PHLPP1: variants seen among roughly 807,000 people sequenced by gnomAD.
PHLPP1 encodes the protein PH domain and leucine rich repeat protein phosphatase 1, also known as PH domain leucine-rich repeat-containing protein phosphatase 1.
PHLPP1 carries 42 observed loss-of-function variants against 117.2 expected under a neutral mutation model. That is an observed-to-expected ratio of 0.36 (90% CI 0.28 to 0.46). PHLPP1 has a LOEUF of 0.46. Among genes scored for constraint, PHLPP1 ranks in the 20% least tolerant of loss-of-function variants. The pLI, the probability that PHLPP1 is intolerant of heterozygous loss-of-function variation, is 1.00. For missense variants in PHLPP1, 2,084 were observed against 2,241.9 expected, an observed-to-expected ratio of 0.93 and a Z score of 1.42; for synonymous variants, 1,042 against 970.7, an observed-to-expected ratio of 1.07 and a Z score of -1.37.
intron 14 of PHLPP1, among the ~76,000 whole-genome samples, chr18:62,967,848 G>C (rs1220150322): frequency 6.7e-6 from 1 of 149,272 alleles, no homozygotes; most frequent in Non-Finnish European, 1.5e-5. Flanking sequence ...TTTTTAGACA[G>C]CGTTTCACTC....
chr18:62,972,407 T>C (rs1911076537), intron 14 of PHLPP1, 107 bp from the exon 15 acceptor site: 2 of 991,108 alleles, frequency 2.0e-6, no homozygotes, highest in Non-Finnish European at 1.5e-6. Context: ...TCTGGAGTCA[T>C]GAAGAAAGAG....
intron 12 of PHLPP1, among the ~76,000 whole-genome samples, chr18:62,957,619 CTGTTT>C (rs376695220): frequency 8.6e-5 from 13 of 151,090 alleles, no homozygotes. Flanking sequence ...TGTTTGTTTT[CTGTTT>C]TGTTTTGTTT....
intron 14 of PHLPP1, among the ~76,000 whole-genome samples, chr18:62,969,395 A>T (rs1242021582): frequency 6.6e-6 from 1 of 152,096 alleles, no homozygotes; most frequent in South Asian, 2.1e-4. Context: ...GCTTTGTATG[A>T]CTTGAATCCT....
intron 1 of PHLPP1, among the ~76,000 whole-genome samples, chr18:62,783,885 A>G (rs1245597297): frequency 6.6e-6 from 1 of 152,158 alleles, no homozygotes; most frequent in Non-Finnish European, 1.5e-5. Context: ...ACTTCTCACA[A>G]TTTTGGTCTG....
chr18:62,934,545 A>C (rs952712415), intron 10 of PHLPP1, among the ~76,000 whole-genome samples: 1 of 152,218 alleles, frequency 6.6e-6, no homozygotes, highest in Non-Finnish European at 1.5e-5. Flanking sequence ...AAAGCCGGAA[A>C]CAAGAGACAC....
At chr18:62,887,643 C>A (rs1332761890) in intron 4 of PHLPP1, among the ~76,000 whole-genome samples, 1 of 152,214 alleles carries the variant, frequency 6.6e-6, no homozygotes. Flanking sequence ...TAAGGACAAA[C>A]CCTCATGACC....
intron 4 of PHLPP1, among the ~76,000 whole-genome samples, chr18:62,864,699 G>T (rs1399388738): frequency 6.6e-6 from 1 of 152,174 alleles, no homozygotes; most frequent in African/African-American, 2.4e-5. Context: ...CAGTTGTTGT[G>T]GAACCAAGCT....
intron 1 of PHLPP1, among the ~76,000 whole-genome samples, chr18:62,806,947 A>G (rs570026937): frequency 1.3e-5 from 2 of 152,316 alleles, no homozygotes; most frequent in South Asian, 2.1e-4. Flanking sequence ...TGCATCAGGA[A>G]TTAGTTTAAA....
At chr18:62,811,060 A>T (rs1393611030) in intron 1 of PHLPP1, among the ~76,000 whole-genome samples, 2 of 152,236 alleles carry the variant, frequency 1.3e-5, no homozygotes, top group African/African-American at 2.4e-5. Flanking sequence ...GACAGAGGCA[A>T]GGATTGGAAA....
At chr18:62,916,605 G>GTGT (rs1909283535) in intron 9 of PHLPP1, among the ~76,000 whole-genome samples, 399 of 145,844 alleles carry the variant, frequency 2.7e-3, no homozygotes, top group African/African-American at 9.5e-3. Context: ...CAAGAGGGTG[G>GTGT]GTGTGTGTGT....
chr18:62,825,401 A>G (rs972186104), intron 1 of PHLPP1: 3 of 147,480 alleles, frequency 2.0e-5, no homozygotes, highest in Admixed American at 1.4e-4. Flanking sequence ...ATATAAATAT[A>G]TATTATATTT....
At chr18:62,730,337 A>G (rs1362428840) in intron 1 of PHLPP1, among the ~76,000 whole-genome samples, 1 of 152,148 alleles carries the variant, frequency 6.6e-6, no homozygotes, top group Non-Finnish European at 1.5e-5. Flanking sequence ...TGACGACAGT[A>G]CTAGTTCTTA....
chr18:62,912,782 G>C (rs55812757), intron 8 of PHLPP1, among the ~76,000 whole-genome samples: 127 of 152,150 alleles, frequency 8.3e-4, no homozygotes, highest in Non-Finnish European at 1.6e-3. Context: ...ACCATGCCTG[G>C]CTAATTTTCT....
chr18:62,847,445 G>C (rs1055440737), intron 3 of PHLPP1, among the ~76,000 whole-genome samples: 3 of 152,170 alleles, frequency 2.0e-5, no homozygotes, highest in Non-Finnish European at 4.4e-5. Flanking sequence ...AAGTTTGGTT[G>C]GGATCTGTAC....
intron 1 of PHLPP1, among the ~76,000 whole-genome samples, chr18:62,721,429 G>GGGGT (rs1910912878): frequency 6.9e-6 from 1 of 144,312 alleles, no homozygotes; most frequent in African/African-American, 2.5e-5. Flanking sequence ...GAGGGGTGTG[G>GGGGT]GTGTGTGTGT....
At chr18:62,792,041 G>A (rs1913475366) in intron 1 of PHLPP1, among the ~76,000 whole-genome samples, 1 of 151,582 alleles carries the variant, frequency 6.6e-6, no homozygotes, top group East Asian at 1.9e-4. Context: ...CTATAACCAA[G>A]CAGATTTTGT....
At chr18:62,850,055 C>A (rs1425284030) in intron 3 of PHLPP1, among the ~76,000 whole-genome samples, 1 of 145,950 alleles carries the variant, frequency 6.9e-6, no homozygotes, top group Non-Finnish European at 1.5e-5. Context: ...GTATATTAGA[C>A]TTGGAAATTA....
chr18:62,822,278 T>TG (rs1914485467), intron 1 of PHLPP1, among the ~76,000 whole-genome samples: 5 of 145,832 alleles, frequency 3.4e-5, no homozygotes, highest in African/African-American at 1.0e-4. Flanking sequence ...TTTTTTTTTT[T>TG]TGTTTTTGTT....
At chr18:62,735,884 C>A (rs1017979907) in intron 1 of PHLPP1, among the ~76,000 whole-genome samples, 2 of 151,730 alleles carry the variant, frequency 1.3e-5, no homozygotes, top group African/African-American at 4.8e-5. Flanking sequence ...TGTTAAATGG[C>A]ACATGTATAC....
Sources: allele counts gnomAD v4.1 joint callset (sites outside exome capture counted in the v4.1 genomes callset), GRCh38; gene constraint gnomAD v4.1.1; transcripts MANE v1.5; gene names NCBI Gene and HGNC (gene_info 2026-07-23, HGNC 2026-07-21).